Variants in ZNF609 observed in about 807,000 individuals in gnomAD.
The protein encoded by ZNF609 is zinc finger protein 609.
ZNF609 carries 11 observed loss-of-function variants against 109.5 expected under a neutral mutation model. That is an observed-to-expected ratio of 0.10 (90% CI 0.06 to 0.17). The LOEUF (loss-of-function observed/expected upper bound fraction) is 0.17. Ranked by LOEUF, ZNF609 falls within the 10% of genes least tolerant of loss-of-function variation. The probability of loss-of-function intolerance (pLI) is 1.00; values close to 1 mark genes in which losing one functional copy is unlikely to be tolerated. For synonymous variants in ZNF609, 646 were observed against 662.0 expected, an observed-to-expected ratio of 0.98 and a Z score of 0.37; for missense variants, 1,559 against 1,772.4, an observed-to-expected ratio of 0.88 and a Z score of 2.16.
In ZNF609 at chr15:64,610,018, T is replaced by A. The variant is rs181505921; in HGVS notation, c.748-12809T>A. Among the ~76,000 whole-genome samples, 488 of 150,518 alleles carry A rather than the reference T, an allele frequency of 3.2e-3. 2 individuals are homozygous for A. The highest frequency in any genetic ancestry group is 0.011 in the African/African-American group (464 of 40,916). ...CAGCATGAGATGCTATCTCAAAAAATAATAATAATAATAAGGTTCTCAGTT... is the reference window on the plus strand; with the variant it reads ...CAGCATGAGATGCTATCTCAAAAAAAAATAATAATAATAAGGTTCTCAGTT... On this transcript the variant is annotated intron_variant, in intron 2 of 9. Coordinates refer to ENST00000326648, the MANE Select transcript of ZNF609 (RefSeq NM_015042.2).
intron 2 of ZNF609, among the ~76,000 whole-genome samples, chr15:64,554,905 TG>T (rs1229795110): frequency 6.6e-6 from 1 of 151,968 alleles, no homozygotes; most frequent in Non-Finnish European, 1.5e-5. Flanking sequence ...AAGACCAGCC[TG>T]GCCAACATGC....
At chr15:64,463,399 T>TAA (rs34188401) in intron 1 of ZNF609, among the ~76,000 whole-genome samples, 13 of 140,720 alleles carry the variant, frequency 9.2e-5, no homozygotes, top group Non-Finnish European at 7.7e-5. Context: ...ACCTTGTCTT[T>TAA]AAAAAAAAAA....
At chr15:64,580,131 A>T (rs1310085061) in intron 2 of ZNF609, among the ~76,000 whole-genome samples, 1 of 152,164 alleles carries the variant, frequency 6.6e-6, no homozygotes, top group Non-Finnish European at 1.5e-5. Context: ...GAGAGATTTA[A>T]AAATGGTATA....
intron 2 of ZNF609, among the ~76,000 whole-genome samples, chr15:64,549,269 C>G (rs545783001): frequency 2.0e-5 from 3 of 152,236 alleles, no homozygotes; most frequent in Admixed American, 6.5e-5. Context: ...TGGCTTACCA[C>G]AACCTCCGCC....
chr15:64,577,730 A>G (rs1376713572), intron 2 of ZNF609, among the ~76,000 whole-genome samples: 1 of 149,884 alleles, frequency 6.7e-6, no homozygotes, highest in Admixed American at 6.8e-5. Context: ...ATGGGGACAC[A>G]TGCCTGTAAT....
Position 64,684,247 on chromosome 15 carries a change from T to G in ZNF609, c.*2561T>G, listed in dbSNP as rs772111852. ...GGCATCCATGACCTAGTCAGAGGGA[T>G]GAGATGCTCAGCAGGGGTCCCCATC... is the stretch of plus-strand genomic sequence containing the variant. On this transcript the variant is annotated 3_prime_UTR_variant, in exon 10 of 10. Coordinates refer to ENST00000326648, the MANE Select transcript of ZNF609 (RefSeq NM_015042.2). 3 of 152,202 alleles carry G rather than the reference T, an allele frequency of 2.0e-5. No individual in the cohort carries two copies. The highest frequency in any genetic ancestry group is 2.9e-5 in the Non-Finnish European group (2 of 68,086). 9.4% of individuals were successfully genotyped at this position (152,202 alleles called of 1,614,324 possible). A position where few individuals can be genotyped will look rare whatever the true frequency, so the allele number is the denominator to read the frequency against.
In ZNF609 at chr15:64,676,029, C is replaced by T. The variant is rs368160461; in HGVS notation, c.3175C>T (p.Leu1059=). The T allele has an allele frequency of 5.6e-6, 9 of 1,614,086 alleles. No individual in the cohort carries two copies. Among genetic ancestry groups the T allele is most frequent in the African/African-American group, 1.3e-5 (1 of 74,932 alleles). The change falls in exon 5 of 10, where the codon CTG becomes TTG. Residue 1059 remains leucine (L), a synonymous_variant. Transcript: ENST00000326648. ...CACCAAGGCCCCCAGCCTGACAGAC[C>T]TGGTGAAATCAGGACCTGGCAAGGC... ...TLTKAPSLTD[L]VKSGPGKAKE...
At chr15:64,469,061 A>AAAAAAT in intron 1 of ZNF609, among the ~76,000 whole-genome samples, 1 of 47,950 alleles carries the variant, frequency 2.1e-5, no homozygotes. Context: ...AAAAAACAAC[A>AAAAAAT]CAATTCAGCC....
At chr15:64,538,929 G>T (rs574217206) in intron 2 of ZNF609, among the ~76,000 whole-genome samples, 1 of 152,176 alleles carries the variant, frequency 6.6e-6, no homozygotes, top group South Asian at 2.1e-4. Context: ...GGAATTCCTG[G>T]GCTCACGCAA....
At chr15:64,603,691 T>C (rs560864492) in intron 2 of ZNF609, among the ~76,000 whole-genome samples, 9 of 152,134 alleles carry the variant, frequency 5.9e-5, no homozygotes, top group East Asian at 3.9e-4. Context: ...TGTTCCTCTG[T>C]TGAATTTATC....
chr15:64,577,011 T>TATATACACA (rs1894977397), intron 2 of ZNF609, among the ~76,000 whole-genome samples: 1 of 124,510 alleles, frequency 8.0e-6, no homozygotes, highest in East Asian at 2.0e-4. Context: ...TATATATGTA[T>TATATACACA]GTATACACAT....
At chr15:64,485,039 C>T (rs1434311794) in intron 1 of ZNF609, among the ~76,000 whole-genome samples, 1 of 152,082 alleles carries the variant, frequency 6.6e-6, no homozygotes, top group Admixed American at 6.6e-5. Flanking sequence ...TAGTGTACTG[C>T]CACGGAAATG....
intron 1 of ZNF609, among the ~76,000 whole-genome samples, chr15:64,480,239 CA>C (rs1173238994): frequency 2.7e-5 from 4 of 149,236 alleles, no homozygotes; most frequent in Non-Finnish European, 4.5e-5. Context: ...ACTCCATCTC[CA>C]AAAAAAAGGT....
chr15:64,495,498 A>G lies in ZNF609; in HGVS notation c.-127-3795A>G, dbSNP rs144004777. ...AACCTCTGCCTCCCAGGTTCAAGCA[A>G]TTCTCCTGCCTCAGCCTCCCAAGTA... is the stretch of plus-strand genomic sequence containing the variant. On this transcript the variant is annotated intron_variant, in intron 1 of 9. Coordinates refer to ENST00000326648, the MANE Select transcript of ZNF609 (RefSeq NM_015042.2). Among the ~76,000 whole-genome samples, 1,418 of 152,144 alleles carry G rather than the reference A, an allele frequency of 9.3e-3. 23 individuals are homozygous for G. Among genetic ancestry groups the G allele is most frequent in the African/African-American group, 0.033 (1,361 of 41,510 alleles).
In ZNF609 at chr15:64,609,285, A is replaced by G. The variant is rs1456286055; in HGVS notation, c.748-13542A>G. On this transcript the variant is annotated intron_variant, in intron 2 of 9. Coordinates refer to ENST00000326648, the MANE Select transcript of ZNF609 (RefSeq NM_015042.2). ...ACTGCAACCTCTGCTTCCTGGGTTC[A>G]AGCAATTGTCATGCCTCAGCCTCTC... is the stretch of plus-strand genomic sequence containing the variant. Among the ~76,000 whole-genome samples the G allele has an allele frequency of 2.0e-5, 3 of 151,702 alleles. No individual in the cohort carries two copies. The Admixed American group carries it at 2.0e-4, about 10-fold the overall frequency.
At chr15:64,662,814 C>T (rs1195887252) in intron 3 of ZNF609, among the ~76,000 whole-genome samples, 3 of 152,004 alleles carry the variant, frequency 2.0e-5, no homozygotes, top group African/African-American at 4.8e-5. Flanking sequence ...TACAGGCACG[C>T]GCCACTACTG....
intron 2 of ZNF609, among the ~76,000 whole-genome samples, chr15:64,617,979 T>G (rs1016318174): frequency 6.6e-6 from 1 of 152,168 alleles, no homozygotes; most frequent in African/African-American, 2.4e-5. Context: ...AGCTTAACTT[T>G]TGTTGGTGTA....
chr15:64,584,957 G>A (rs1895171412), intron 2 of ZNF609, among the ~76,000 whole-genome samples: 1 of 150,354 alleles, frequency 6.7e-6, no homozygotes, highest in African/African-American at 2.4e-5. Flanking sequence ...AAATAAATAA[G>A]GAACTAGACT....
At chr15:64,495,135 A>G (rs1283859865) in intron 1 of ZNF609, among the ~76,000 whole-genome samples, 1 of 152,208 alleles carries the variant, frequency 6.6e-6, no homozygotes, top group Non-Finnish European at 1.5e-5. Context: ...ACAATTTGCC[A>G]TGGCATATGG....
Sources: allele counts gnomAD v4.1 joint callset (sites outside exome capture counted in the v4.1 genomes callset), GRCh38; gene constraint gnomAD v4.1.1; transcripts MANE v1.5; gene names NCBI Gene and HGNC (gene_info 2026-07-23, HGNC 2026-07-21).